UTP18: variants seen among roughly 807,000 people sequenced by gnomAD.
UTP18 encodes U3 small nucleolar RNA-associated protein 18 homolog.
In UTP18, 36 loss-of-function variants were observed where a neutral mutation model predicts 61.1. The ratio of observed to expected loss-of-function variants is 0.59; its 90% CI spans 0.45 to 0.78. UTP18 has a LOEUF of 0.78. Among genes scored for constraint, UTP18 ranks in the 30% least tolerant of loss-of-function variants. The pLI, the probability that UTP18 is intolerant of heterozygous loss-of-function variation, is 0.00. For missense variants in UTP18, 753 were observed against 693.9 expected, an observed-to-expected ratio of 1.09 and a Z score of -0.96; for synonymous variants, 282 against 251.1, an observed-to-expected ratio of 1.12 and a Z score of -1.16.
intron 10 of UTP18, chr17:51,286,505 GTA>G: frequency 2.2e-6 from 1 of 456,196 alleles, no homozygotes; most frequent in African/African-American, 2.0e-5. Context: ...GAAACTGCTT[GTA>G]TATATATCCC....
At chr17:51,263,029 T>C (rs1480394127) in intron 1 of UTP18, among the ~76,000 whole-genome samples, 1 of 152,270 alleles carries the variant, frequency 6.6e-6, no homozygotes, top group Non-Finnish European at 1.5e-5. Flanking sequence ...CCTTCCTGCG[T>C]GTTGAGTGTT....
chr17:51,269,294 C>CAAAAAAAAAA (rs58681434), intron 4 of UTP18, among the ~76,000 whole-genome samples: 9 of 66,652 alleles, frequency 1.4e-4, no homozygotes, highest in Admixed American at 2.4e-4. Context: ...GACTCTGTCT[C>CAAAAAAAAAA]AAAAAAAAAA....
intron 9 of UTP18, among the ~76,000 whole-genome samples, chr17:51,284,664 A>G (rs1488970111): frequency 2.6e-5 from 4 of 152,228 alleles, no homozygotes; most frequent in African/African-American, 9.7e-5. Context: ...CTAAAAGTTC[A>G]ACTCAAACCA....
At chr17:51,268,769 T>A in intron 3 of UTP18, 68 bp from the exon 4 acceptor site, 1 of 1,322,616 alleles carries the variant, frequency 7.6e-7, no homozygotes. Context: ...GTATATGCTT[T>A]AAATGTATCA....
At chr17:51,263,155 T>G in intron 1 of UTP18, 119 bp from the exon 2 acceptor site, 1 of 777,896 alleles carries the variant, frequency 1.3e-6, no homozygotes, top group Non-Finnish European at 2.1e-6. Context: ...TTCCATCCCA[T>G]TATTTCATCA....
chr17:51,292,802 A>G (rs1905268542), intron 11 of UTP18, among the ~76,000 whole-genome samples: 1 of 152,204 alleles, frequency 6.6e-6, no homozygotes, highest in South Asian at 2.1e-4. Flanking sequence ...GACTCTGGAG[A>G]AAGAGACTGT....
intron 7 of UTP18, among the ~76,000 whole-genome samples, chr17:51,279,594 T>C (rs917597532): frequency 3.3e-5 from 5 of 152,190 alleles, no homozygotes; most frequent in African/African-American, 1.2e-4. Flanking sequence ...TTTATATATG[T>C]TTTTATGTTT....
At chr17:51,286,667 C>G (rs1433287281) in intron 10 of UTP18, 3 of 433,726 alleles carry the variant, frequency 6.9e-6, no homozygotes, top group East Asian at 1.4e-4. Flanking sequence ...CCTTTCCTAC[C>G]CATACCCGTG....
At chr17:51,296,658 ACT>A (rs1013710116) in intron 12 of UTP18, 14 of 245,748 alleles carry the variant, frequency 5.7e-5, no homozygotes, top group Non-Finnish European at 1.1e-4. Flanking sequence ...TTAGAATGAC[ACT>A]GTTTCTAGCT....
Position 51,297,013 on chromosome 17 carries a change from C to A in UTP18, c.*14+10C>A. The A allele has an allele frequency of 9.4e-6, 15 of 1,600,930 alleles. No individual in the cohort carries two copies. The highest frequency in any genetic ancestry group is 1.2e-5 in the Non-Finnish European group (14 of 1,174,218). On this transcript the variant is annotated intron_variant, in intron 13 of 13. Transcript: ENST00000225298. ...AAAGAGACTATTTGAAGTAAGAAAA[C>A]CCTTTTCTTACAAATTCTGCAGGTT...
chr17:51,288,534 T>C (rs192769796), intron 11 of UTP18: 40 of 462,238 alleles, frequency 8.7e-5, no homozygotes, highest in Non-Finnish European at 2.2e-5. Context: ...TCTTTCCTCA[T>C]TTACCTTTTT....
At chr17:51,283,044 A>G (rs1477069082) in intron 9 of UTP18, among the ~76,000 whole-genome samples, 5 of 148,022 alleles carry the variant, frequency 3.4e-5, no homozygotes, top group African/African-American at 1.3e-4. Flanking sequence ...AATTTTTTGT[A>G]TTTTAGTAGA....
At chr17:51,273,301 G>T in intron 4 of UTP18, 61 bp from the exon 5 acceptor site, 1 of 1,254,728 alleles carries the variant, frequency 8.0e-7, no homozygotes, top group Middle Eastern at 2.0e-4. Flanking sequence ...GAAGTTTGGG[G>T]TAGGTAAAAG....
intron 6 of UTP18, 148 bp downstream of exon 6, chr17:51,276,139 A>G: frequency 1.3e-6 from 1 of 791,296 alleles, no homozygotes; most frequent in Non-Finnish European, 1.8e-6. Context: ...CACAGAAGTG[A>G]CAGAGTTCAT....
At chr17:51,278,444 C>T (rs940823956) in intron 7 of UTP18, among the ~76,000 whole-genome samples, 1 of 152,234 alleles carries the variant, frequency 6.6e-6, no homozygotes, top group African/African-American at 2.4e-5. Context: ...TCTGGCATCT[C>T]CTTGTCTTGC....
At chr17:51,283,694 T>A (rs1905025065) in intron 9 of UTP18, among the ~76,000 whole-genome samples, 1 of 148,796 alleles carries the variant, frequency 6.7e-6, no homozygotes, top group South Asian at 2.2e-4. Flanking sequence ...GCTCACTACA[T>A]CCTCTGCCTC....
intron 9 of UTP18, among the ~76,000 whole-genome samples, chr17:51,284,752 T>G (rs1161867845): frequency 3.3e-5 from 5 of 152,166 alleles, no homozygotes; most frequent in Non-Finnish European, 7.3e-5. Context: ...CTTTTGTATA[T>G]GTGAATGTAT....
intron 9 of UTP18, among the ~76,000 whole-genome samples, chr17:51,283,787 G>A (rs998406792): frequency 1.8e-4 from 27 of 151,918 alleles, no homozygotes; most frequent in African/African-American, 6.5e-4. Flanking sequence ...GCTAATTTTT[G>A]TATTTTTAGT....
At chr17:51,273,926 TG>T (rs1395897298) in intron 5 of UTP18, among the ~76,000 whole-genome samples, 3 of 152,308 alleles carry the variant, frequency 2.0e-5, no homozygotes, top group Non-Finnish European at 4.4e-5. Flanking sequence ...AATCATTCTT[TG>T]TATGGCAGCC....
Sources: allele counts gnomAD v4.1 joint callset (sites outside exome capture counted in the v4.1 genomes callset), GRCh38; gene constraint gnomAD v4.1.1; transcripts MANE v1.5; gene names NCBI Gene and HGNC (gene_info 2026-07-23, HGNC 2026-07-21).